Variants in MED12L observed in about 807,000 individuals in gnomAD.
MED12L encodes mediator of RNA polymerase II transcription subunit 12-like protein.
In MED12L, 60 loss-of-function variants were observed where a neutral mutation model predicts 281.3. The observed-to-expected ratio is 0.21, with a 90% confidence interval of 0.17 to 0.26. MED12L has a LOEUF of 0.26. MED12L is among the 10% of genes least tolerant of loss of function. The pLI is 1.00. For missense variants in MED12L, 2,146 were observed against 2,680.9 expected (o/e 0.80, Z 4.41); for synonymous variants, 974 against 987.2 (o/e 0.99, Z 0.25).
chr3:151,161,390 A>G (rs1011628087), intron 8 of MED12L, among the ~76,000 whole-genome samples: 3 of 152,126 alleles, frequency 2.0e-5, no homozygotes, highest in Non-Finnish European at 4.4e-5. Context: ...CAAAAACCCA[A>G]GAGGGAGTGA....
At chr3:151,415,305 C>T (rs531436414) in intron 42 of MED12L, among the ~76,000 whole-genome samples, 12 of 152,108 alleles carry the variant, frequency 7.9e-5, no homozygotes, top group African/African-American at 2.9e-4. Flanking sequence ...GGTGACTGGC[C>T]ACCTCTGTAA....
At chr3:151,243,794 A>G (rs556971052) in intron 16 of MED12L, among the ~76,000 whole-genome samples, 1 of 151,918 alleles carries the variant, frequency 6.6e-6, no homozygotes, top group Non-Finnish European at 1.5e-5. Context: ...AATGGACTAA[A>G]TGCTCCAATT....
At chr3:151,329,683 T>C (rs535253053) in intron 16 of MED12L, 57 of 501,914 alleles carry the variant, frequency 1.1e-4, no homozygotes, top group African/African-American at 8.7e-4. Context: ...GTTCAAACTT[T>C]CATACTGTTA....
chr3:151,286,125 C>G (rs1743475343), intron 16 of MED12L, among the ~76,000 whole-genome samples: 1 of 152,186 alleles, frequency 6.6e-6, no homozygotes, highest in Non-Finnish European at 1.5e-5. Context: ...CACAGACTTC[C>G]TGTGACCCCG....
intron 39 of MED12L, among the ~76,000 whole-genome samples, chr3:151,405,706 A>C (rs1716217449): frequency 6.6e-6 from 1 of 152,228 alleles, no homozygotes; most frequent in South Asian, 2.1e-4. Flanking sequence ...GCATTAAAAA[A>C]TATGAAGTTA....
intron 16 of MED12L, among the ~76,000 whole-genome samples, chr3:151,293,407 T>C (rs779234524): frequency 1.3e-5 from 2 of 152,134 alleles, no homozygotes; most frequent in Non-Finnish European, 2.9e-5. Flanking sequence ...GAGGGCAATC[T>C]CTTACCCAGA....
At chr3:151,112,506 C>G (rs1471285973) in intron 2 of MED12L, among the ~76,000 whole-genome samples, 1 of 152,068 alleles carries the variant, frequency 6.6e-6, no homozygotes, top group Non-Finnish European at 1.5e-5. Flanking sequence ...TTCTAACAGG[C>G]TTGCAGGTAA....
intron 16 of MED12L, among the ~76,000 whole-genome samples, chr3:151,200,675 C>G (rs1344513778): frequency 6.6e-6 from 1 of 152,062 alleles, no homozygotes; most frequent in African/African-American, 2.4e-5. Flanking sequence ...TCAAGTGCTG[C>G]TTAAAGGCTA....
intron 16 of MED12L, among the ~76,000 whole-genome samples, chr3:151,222,843 G>A (rs1053157471): frequency 2.0e-5 from 3 of 152,024 alleles, no homozygotes; most frequent in African/African-American, 7.3e-5. Flanking sequence ...TGTTGTAGTC[G>A]GGACTTTAGA....
chr3:151,218,709 A>G (rs1418910796), intron 16 of MED12L, among the ~76,000 whole-genome samples: 1 of 151,832 alleles, frequency 6.6e-6, no homozygotes, highest in Non-Finnish European at 1.5e-5. Flanking sequence ...TCTACTAAAA[A>G]TAAAAAAATT....
intron 16 of MED12L, among the ~76,000 whole-genome samples, chr3:151,218,346 G>T (rs933767771): frequency 1.2e-4 from 18 of 152,170 alleles, no homozygotes; most frequent in African/African-American, 4.3e-4. Flanking sequence ...ACTTCTGGAT[G>T]ATGATTAACT....
In MED12L at chr3:151,383,841, A is replaced by G. The variant is rs1230095640; in HGVS notation, c.4743A>G (p.Leu1581=). 2.5e-6 allele frequency: 4 copies of G among 1,613,806 alleles called. No individual in the cohort carries two copies. The highest frequency in any genetic ancestry group is 3.4e-6 in the Non-Finnish European group (4 of 1,179,924). Residue 1581 remains leucine (L), a synonymous_variant, in exon 34 of 45, where the codon CTA becomes CTG. Transcript: ENST00000687756. ...AGTGGACTACAGACTGGGCCCTGCT[A>G]CTCCTTCAGATCATTACTTCAGGAA... ...STQWTTDWAL[L]LLQIITSGTV... is the part of the protein sequence containing the mutation.
chr3:151,254,591 T>C (rs13090321), intron 16 of MED12L, among the ~76,000 whole-genome samples: 34,845 of 152,196 alleles, frequency 0.23, 4,148 homozygotes, highest in South Asian at 0.34. Context: ...TTCTTAGCTA[T>C]ACGTGTATGT....
At chr3:151,343,800 C>G (rs939307681) in intron 16 of MED12L, among the ~76,000 whole-genome samples, 1 of 152,104 alleles carries the variant, frequency 6.6e-6, no homozygotes, top group African/African-American at 2.4e-5. Flanking sequence ...GTCTGCTCAT[C>G]TGAAAATGTT....
intron 27 of MED12L, among the ~76,000 whole-genome samples, chr3:151,374,030 A>T (rs1756509397): frequency 1.3e-5 from 2 of 152,186 alleles, no homozygotes; most frequent in South Asian, 4.1e-4. Flanking sequence ...GATACCTTCA[A>T]TTCCAATCCA....
chr3:151,161,839 A>G (rs947591170), intron 8 of MED12L, among the ~76,000 whole-genome samples: 1 of 152,176 alleles, frequency 6.6e-6, no homozygotes, highest in African/African-American at 2.4e-5. Flanking sequence ...AGGAATTAGT[A>G]GTGGGCAATG....
intron 2 of MED12L, among the ~76,000 whole-genome samples, chr3:151,092,765 G>C (rs1171129689): frequency 6.6e-6 from 1 of 152,196 alleles, no homozygotes; most frequent in Non-Finnish European, 1.5e-5. Context: ...CTTCATTTCA[G>C]AAAGCTCCTC....
intron 16 of MED12L, among the ~76,000 whole-genome samples, chr3:151,256,815 G>GTT (rs56702829): frequency 1.1e-3 from 127 of 118,568 alleles, no homozygotes; most frequent in South Asian, 2.9e-3. Context: ...AATCCAGTCT[G>GTT]TTTTTTTTTT....
At chr3:151,427,952 G>T (rs1378946179) in intron 43 of MED12L, among the ~76,000 whole-genome samples, 2 of 152,196 alleles carry the variant, frequency 1.3e-5, no homozygotes, top group Non-Finnish European at 2.9e-5. Flanking sequence ...CCAGTCAGAA[G>T]TGAACAGCAA....
Sources: gnomAD v4.1 joint callset for allele counts (sites outside exome capture counted in the v4.1 genomes callset) on GRCh38, gnomAD v4.1.1 for gene constraint, MANE v1.5 for transcripts, NCBI Gene and HGNC (gene_info 2026-07-23, HGNC 2026-07-21) for gene names.